The following CCDC88A variants were observed in gnomAD, a reference collection of about 807,000 sequenced individuals.
CCDC88A encodes the protein girdin.
Under a neutral mutation model 234.3 loss-of-function variants are expected in CCDC88A, and 54 were observed. That is an observed-to-expected ratio of 0.23 (90% CI 0.19 to 0.29). CCDC88A has a LOEUF of 0.29. Among genes scored for constraint, CCDC88A ranks in the 10% least tolerant of loss-of-function variants. The probability of loss-of-function intolerance (pLI) is 1.00; values close to 1 mark genes in which losing one functional copy is unlikely to be tolerated. For synonymous variants in CCDC88A, 753 were observed against 737.8 expected (o/e 1.02, Z -0.33); for missense variants, 1,832 against 2,123.4 (o/e 0.86, Z 2.70).
At chr2:55,408,417 G>A (rs1293053643) in intron 2 of CCDC88A, among the ~76,000 whole-genome samples, 2 of 152,064 alleles carry the variant, frequency 1.3e-5, no homozygotes, top group Non-Finnish European at 2.9e-5. Flanking sequence ...TAAGTCACAG[G>A]TTGAGATAAG....
intron 25 of CCDC88A, chr2:55,308,076 C>G (rs576722476): frequency 6.7e-6 from 1 of 148,430 alleles, no homozygotes; most frequent in Non-Finnish European, 1.5e-5. Context: ...GCTGGGATTA[C>G]AGGCATGAGC....
At chr2:55,345,972 T>G (rs1434478661) in intron 10 of CCDC88A, 2 of 402,384 alleles carry the variant, frequency 5.0e-6, no homozygotes, top group East Asian at 8.0e-5. Context: ...CAGAGTTCAA[T>G]AAAATTAGTA....
In CCDC88A at chr2:55,339,466, T is replaced by G; in HGVS notation, c.1516A>C (p.Lys506Gln). 1 of 1,545,514 alleles carries G rather than the reference T, an allele frequency of 6.5e-7. No individual in the cohort carries two copies. Among genetic ancestry groups the G allele is most frequent in the South Asian group, 1.2e-5 (1 of 83,634 alleles). The change falls in exon 13 of 33, where the codon AAG (lysine) becomes CAG (glutamine). Residue 506 changes from lysine (K) to glutamine (Q), a missense_variant and splice_region_variant. Lys to Gln is a moderately conservative substitution (Grantham distance 53). Coordinates refer to ENST00000436346, the MANE Select transcript of CCDC88A (RefSeq NM_001365480.1). Reference protein sequence around the residue: ...MEKENQRLSKKVEILENEIVQ... With the variant: ...MEKENQRLSKQVEILENEIVQ... ...ATAAACACTACATTTTAATTTACCT[T>G]TTTACTGAGCCTTTGATTTTCTTTT...
chr2:55,362,441 T>C lies in CCDC88A; in HGVS notation c.494A>G (p.His165Arg), dbSNP rs756246499. The stretch of plus-strand genomic sequence containing the variant: ...CAGGTCAAACACATTTTCCTGATTA[T>C]GAGTTACCTTTAGAAAAGTGACCAA... ...AVAAHIQEVT[H>R]NQENVFDLQW... is the part of the protein sequence containing the mutation. The change falls in exon 7 of 33, where the codon CAT becomes CGT. Residue 165 changes from histidine to arginine, a missense_variant. His to Arg is a conservative substitution (Grantham distance 29). Transcript: ENST00000436346. 2 of 1,599,280 alleles carry C rather than the reference T, an allele frequency of 1.3e-6. No homozygotes were observed. Among genetic ancestry groups the C allele is most frequent in the Middle Eastern group, 3.3e-4 (2 of 6,032 alleles).
chr2:55,356,269 A>G (rs1215063436), intron 7 of CCDC88A: 1 of 152,206 alleles, frequency 6.6e-6, no homozygotes, highest in Non-Finnish European at 1.5e-5. Context: ...CTCTTCCTGC[A>G]TTAGTTTGCT....
At chr2:55,399,808 T>G (rs1678301979) in intron 2 of CCDC88A, 2 of 151,634 alleles carry the variant, frequency 1.3e-5, no homozygotes, top group African/African-American at 2.4e-5. Flanking sequence ...TCATAAGACA[T>G]TTGTGAGACT....
Position 55,388,889 on chromosome 2 carries a change from GT to G in CCDC88A, c.165-4del. On this transcript the variant is annotated splice_region_variant and splice_polypyrimidine_tract_variant and intron_variant, in intron 2 of 32. Transcript: ENST00000436346. The stretch of plus-strand genomic sequence containing the variant: ...TCTGACTCTCCAATTTAGGATTACT[GT>G]AAGAAATACAAAAATACTTTAAAAT... The G allele has an allele frequency of 9.0e-7, 1 of 1,107,442 alleles. No individual in the cohort carries two copies. 68.6% of individuals were successfully genotyped at this position (1,107,442 alleles called of 1,614,324 possible).
At chr2:55,300,223 C>T in intron 28 of CCDC88A, 1 of 315,630 alleles carries the variant, frequency 3.2e-6, no homozygotes, top group South Asian at 3.2e-5. Context: ...CCCCCAGATC[C>T]CCCAAAATGC....
intron 27 of CCDC88A, 121 bp from the exon 28 acceptor site, chr2:55,301,398 A>G (rs894436437): frequency 1.6e-5 from 9 of 561,446 alleles, no homozygotes; most frequent in Admixed American, 7.2e-5. Flanking sequence ...TTGACTTAAC[A>G]TATTTCATAG....
In CCDC88A at chr2:55,339,628, G is replaced by A. The variant is rs779975154; in HGVS notation, c.1354C>T (p.His452Tyr). 49 of 1,604,844 alleles carry A rather than the reference G, an allele frequency of 3.1e-5. No individual in the cohort carries two copies. In the East Asian group the frequency reaches 9.6e-4, roughly 31 times the overall value. The change falls in exon 13 of 33, where the codon CAT becomes TAT. Residue 452 changes from histidine (H) to tyrosine (Y), a missense_variant. Physicochemically the swap from His to Tyr is moderately conservative, Grantham distance 83. Transcript: ENST00000436346. Reference protein sequence around the residue: ...LSEAPQKSLGHEVNELTSSRL... With the variant: ...LSEAPQKSLGYEVNELTSSRL... ...CTTGATGTCAACTCATTCACCTCAT[G>A]GCCCAGGGATTTCTGGGGTGCTATA...
At chr2:55,297,043 GCGTGCTGGTGCACGC>G (rs1394687762) in intron 29 of CCDC88A, 10 of 151,088 alleles carry the variant, frequency 6.6e-5, no homozygotes, top group African/African-American at 2.4e-4. Context: ...AATTTGCCAG[GCGTGCTGGTGCACGC>G]CTGTAGTCCC....
At chr2:55,337,019 A>C (rs1260555485) in intron 13 of CCDC88A, 1 of 412,538 alleles carries the variant, frequency 2.4e-6, no homozygotes, top group East Asian at 4.4e-5. Flanking sequence ...ATGATTTCTT[A>C]TCCTTGTGCA....
Position 55,332,657 on chromosome 2 carries a change from T to C in CCDC88A, c.2764A>G (p.Asn922Asp). The C allele has an allele frequency of 6.2e-7, 1 of 1,613,616 alleles. No individual in the cohort carries two copies. The highest frequency in any genetic ancestry group is 8.5e-7 in the Non-Finnish European group (1 of 1,179,720). The part of the protein sequence containing the change: ...VSEKLKTQQM[N>D]NDLEKLTHEL... ...TGAGTTAATTTTTCGAGATCATTGT[T>C]CATCTGTTGGGTCTTCAACTTTTCA... Residue 922 changes from asparagine (N) to aspartate (D), a missense_variant, in exon 16 of 33, where the codon AAC becomes GAC. Transcript: ENST00000436346. The surrounding 1 kb of genome is among the most constrained non-coding windows in gnomAD (Gnocchi z 4.5).
At position 55,332,484 on chromosome 2, in the gene CCDC88A, A is replaced by G. The variant is rs2104682650; in HGVS notation, c.2855+82T>C. 2 of 1,518,368 alleles carry G rather than the reference A, an allele frequency of 1.3e-6. No homozygotes were observed. Among genetic ancestry groups the G allele is most frequent in the East Asian group, 2.3e-5 (1 of 43,386 alleles). 94.1% of individuals were successfully genotyped at this position (1,518,368 alleles called of 1,614,324 possible). ...AGGGTGAAATATATAAATGTTTTCT[A>G]TAGCTAGTACAGAAAGAATTCATGT... On this transcript the variant is annotated intron_variant, in intron 16 of 32. Coordinates refer to ENST00000436346, the MANE Select transcript of CCDC88A (RefSeq NM_001365480.1). This position sits in a 1 kb window ranked among gnomAD's most constrained non-coding sequence, Gnocchi z 4.5.
chr2:55,339,684 T>C (rs764854274), intron 12 of CCDC88A, 36 bp from the exon 13 acceptor site: 4 of 1,532,610 alleles, frequency 2.6e-6, no homozygotes, highest in African/African-American at 1.4e-5. Context: ...GTATTTACTC[T>C]TTACTGTTTT....
intron 2 of CCDC88A, among the ~76,000 whole-genome samples, chr2:55,416,458 A>C (rs1291074396): frequency 1.2e-5 from 1 of 85,162 alleles, no homozygotes; most frequent in African/African-American, 6.3e-5. Context: ...ATATATATAT[A>C]TATATATATA....
At chr2:55,409,714 A>G (rs1387819156) in intron 2 of CCDC88A, among the ~76,000 whole-genome samples, 2 of 139,374 alleles carry the variant, frequency 1.4e-5, no homozygotes, top group Admixed American at 1.5e-4. Flanking sequence ...CCATGTAAAC[A>G]GGGGGATGTG....
intron 3 of CCDC88A, among the ~76,000 whole-genome samples, chr2:55,377,201 T>TC (rs1466934783): frequency 6.7e-6 from 1 of 149,500 alleles, no homozygotes; most frequent in Admixed American, 6.7e-5. Context: ...AGACTTTTTT[T>TC]TTTTTTTTTT....
chr2:55,356,220 G>C (rs964229906), intron 7 of CCDC88A: 14 of 152,434 alleles, frequency 9.2e-5, no homozygotes, highest in African/African-American at 3.4e-4. Flanking sequence ...TCATTGTTCA[G>C]CTTCCACTTA....
Sources: gnomAD v4.1 joint callset for allele counts (sites outside exome capture counted in the v4.1 genomes callset) on GRCh38, gnomAD v4.1.1 for gene constraint, Gnocchi (gnomAD v3.1) non-coding constraint, MANE v1.5 for transcripts, NCBI Gene and HGNC (gene_info 2026-07-23, HGNC 2026-07-21) for gene names.